Variants in PDE4D observed in about 807,000 individuals in gnomAD.
PDE4D encodes the protein 3',5'-cyclic-AMP phosphodiesterase 4D.
A neutral mutation model predicts 87.4 loss-of-function variants in PDE4D; 24 were observed. The ratio of observed to expected loss-of-function variants is 0.27; its 90% CI spans 0.20 to 0.39. PDE4D has a LOEUF of 0.39. PDE4D is among the 10% of genes least tolerant of loss of function. The pLI is 1.00. For missense variants in PDE4D, 714 were observed against 1,041.0 expected (o/e 0.69, Z 4.32); for synonymous variants, 384 against 383.2 (o/e 1.00, Z -0.02).
intron 1 of PDE4D, among the ~76,000 whole-genome samples, chr5:60,302,766 A>G (rs1167577784): frequency 1.3e-5 from 2 of 151,996 alleles, no homozygotes; most frequent in Admixed American, 6.6e-5. Flanking sequence ...TTAGATTGTT[A>G]ATTTGAAATC....
intron 6 of PDE4D, among the ~76,000 whole-genome samples, chr5:59,000,829 C>T (rs972547407): frequency 2.6e-5 from 4 of 151,990 alleles, no homozygotes; most frequent in African/African-American, 9.7e-5. Flanking sequence ...GCTGGGATTA[C>T]AGGCGCCCAC....
At chr5:59,357,019 T>C in intron 1 of PDE4D, 1 of 700,906 alleles carries the variant, frequency 1.4e-6, no homozygotes, top group Admixed American at 4.3e-5. Flanking sequence ...GAGGCAGGGC[T>C]GGAAGGGATG....
intron 1 of PDE4D, among the ~76,000 whole-genome samples, chr5:59,607,806 G>A (rs930639852): frequency 5.3e-5 from 8 of 152,080 alleles, no homozygotes; most frequent in African/African-American, 1.4e-4. Flanking sequence ...CTATCCATGC[G>A]CTTCTAACAT....
intron 3 of PDE4D, among the ~76,000 whole-genome samples, chr5:59,186,677 G>A (rs148082662): frequency 5.3e-4 from 81 of 152,222 alleles, no homozygotes; most frequent in African/African-American, 1.4e-3. Flanking sequence ...AGCTGTGTAC[G>A]CCTTGGGACA....
intron 1 of PDE4D, among the ~76,000 whole-genome samples, chr5:59,409,254 A>T (rs1792243361): frequency 6.6e-6 from 1 of 152,040 alleles, no homozygotes. Context: ...CATAAGTGGG[A>T]GGAACTCATT....
At chr5:59,507,664 C>CAAAA (rs1284106865) in intron 1 of PDE4D, among the ~76,000 whole-genome samples, 52 of 79,800 alleles carry the variant, frequency 6.5e-4, no homozygotes, top group Non-Finnish European at 1.0e-3. Flanking sequence ...TACCCTGTCT[C>CAAAA]AAAAAAAAAA....
intron 1 of PDE4D, among the ~76,000 whole-genome samples, chr5:60,348,050 AAG>A (rs1338339428): frequency 6.6e-6 from 1 of 152,130 alleles, no homozygotes; most frequent in Non-Finnish European, 1.5e-5. Flanking sequence ...ATATGCCCAT[AAG>A]CCCTACAAAG....
intron 1 of PDE4D, among the ~76,000 whole-genome samples, chr5:59,727,823 T>C (rs1756823906): frequency 6.6e-6 from 1 of 152,076 alleles, no homozygotes; most frequent in African/African-American, 2.4e-5. Context: ...TCTCAATGCA[T>C]GCCATGTGTC....
intron 1 of PDE4D, among the ~76,000 whole-genome samples, chr5:59,322,243 T>C (rs2153571938): frequency 6.6e-6 from 1 of 152,238 alleles, no homozygotes; most frequent in East Asian, 1.9e-4. Context: ...AGTTCAATCA[T>C]TTTTTATTGC....
At chr5:60,245,464 C>A (rs1747654600) in intron 1 of PDE4D, among the ~76,000 whole-genome samples, 1 of 150,998 alleles carries the variant, frequency 6.6e-6, no homozygotes, top group Non-Finnish European at 1.5e-5. Context: ...ATCAGTATAT[C>A]AAAGAGATAT....
chr5:60,257,474 T>C (rs1749215007), intron 1 of PDE4D, among the ~76,000 whole-genome samples: 1 of 152,006 alleles, frequency 6.6e-6, no homozygotes. Flanking sequence ...TAAAACTATC[T>C]GCATGCTTTG....
intron 1 of PDE4D, among the ~76,000 whole-genome samples, chr5:59,379,179 A>C (rs1785288076): frequency 6.6e-6 from 1 of 152,148 alleles, no homozygotes; most frequent in Admixed American, 6.6e-5. Flanking sequence ...AGGGCTAAAA[A>C]AGTGACTCTA....
chr5:59,603,969 T>C (rs1445878151), intron 1 of PDE4D, among the ~76,000 whole-genome samples: 2 of 151,996 alleles, frequency 1.3e-5, no homozygotes. Flanking sequence ...ATTTAGTCAG[T>C]CTACAATGTA....
intron 1 of PDE4D, among the ~76,000 whole-genome samples, chr5:59,346,438 T>G (rs535989523): frequency 1.3e-5 from 2 of 152,306 alleles, no homozygotes; most frequent in South Asian, 4.1e-4. Flanking sequence ...CGAGACTTTT[T>G]TTTTTAAGTC....
At chr5:59,833,285 G>A (rs921198843) in intron 1 of PDE4D, among the ~76,000 whole-genome samples, 11 of 152,068 alleles carry the variant, frequency 7.2e-5, no homozygotes, top group African/African-American at 2.6e-4. Flanking sequence ...GAAAGGCAGT[G>A]AGTGACAGCA....
chr5:60,364,289 GC>G, intron 1 of PDE4D, among the ~76,000 whole-genome samples: 1 of 152,198 alleles, frequency 6.6e-6, no homozygotes, highest in East Asian at 1.9e-4. Flanking sequence ...TATTACCCAA[GC>G]CAGGATCTAT....
At chr5:59,069,003 G>A (rs1287790707) in intron 5 of PDE4D, among the ~76,000 whole-genome samples, 1 of 152,186 alleles carries the variant, frequency 6.6e-6, no homozygotes, top group Non-Finnish European at 1.5e-5. Flanking sequence ...GAAAGAATTT[G>A]TTAGGGTATT....
At chr5:59,410,820 AT>A (rs960566885) in intron 1 of PDE4D, among the ~76,000 whole-genome samples, 1 of 133,240 alleles carries the variant, frequency 7.5e-6, no homozygotes, top group Non-Finnish European at 1.5e-5. Flanking sequence ...GAGTGCAGAT[AT>A]TTTTTTAGAC....
chr5:59,008,324 A>T (rs1752065596), intron 6 of PDE4D, among the ~76,000 whole-genome samples: 1 of 152,056 alleles, frequency 6.6e-6, no homozygotes, highest in Non-Finnish European at 1.5e-5. Context: ...ACTTCGTGGT[A>T]TGCTTTGTGG....
Sources: allele counts gnomAD v4.1 joint callset (sites outside exome capture counted in the v4.1 genomes callset), GRCh38; gene constraint gnomAD v4.1.1; transcripts MANE v1.5; gene names NCBI Gene and HGNC (gene_info 2026-07-23, HGNC 2026-07-21).